ACOXL: variants seen among roughly 807,000 people sequenced by gnomAD.
The protein encoded by ACOXL is acyl-coenzyme A oxidase-like protein.
Under a neutral mutation model 71.9 loss-of-function variants are expected in ACOXL, and 70 were observed. That is an observed-to-expected ratio of 0.97 (90% CI 0.80 to 1.19). The LOEUF is 1.19. ACOXL is among the 50% of genes most tolerant of loss of function. The probability of loss-of-function intolerance (pLI) is 0.00; values close to 1 mark genes in which losing one functional copy is unlikely to be tolerated. For missense variants in ACOXL, 703 were observed against 736.3 expected (o/e 0.95, Z 0.52); for synonymous variants, 253 against 281.6 (o/e 0.90, Z 1.02).
rs184742622 is a variant in ACOXL, at chr2:110,760,584, G to A, written c.-22-7784G>A. On this transcript the variant is annotated intron_variant, in intron 1 of 17. Transcript: ENST00000439055. Reference sequence around the variant, plus strand: ...ATGTATTTCAGTTAGCCATGAATTGGACAGACAGCCTCTCTGATCTTGGCT... The same window carrying A: ...ATGTATTTCAGTTAGCCATGAATTGAACAGACAGCCTCTCTGATCTTGGCT... Among the ~76,000 whole-genome samples, 5 of 152,318 alleles carry A rather than the reference G, an allele frequency of 3.3e-5. No individual in the cohort carries two copies. In the East Asian group the frequency reaches 9.7e-4, roughly 29 times the overall value.
At chr2:110,782,716 T>C (rs1188536176) in intron 2 of ACOXL, among the ~76,000 whole-genome samples, 1 of 152,208 alleles carries the variant, frequency 6.6e-6, no homozygotes, top group Non-Finnish European at 1.5e-5. Flanking sequence ...ACACCATTAA[T>C]GGCAAAGTCA....
chr2:110,956,510 A>T (rs552644758), intron 12 of ACOXL, among the ~76,000 whole-genome samples: 3 of 152,208 alleles, frequency 2.0e-5, no homozygotes, highest in Admixed American at 1.3e-4. Context: ...CCCAACCCAG[A>T]TCTCAGCTGT....
intron 10 of ACOXL, among the ~76,000 whole-genome samples, chr2:110,852,240 C>T (rs1049361446): frequency 6.6e-6 from 1 of 152,236 alleles, no homozygotes; most frequent in African/African-American, 2.4e-5. Context: ...GACAGTAAGC[C>T]TGAGGCTGGT....
intron 12 of ACOXL, among the ~76,000 whole-genome samples, chr2:110,967,098 G>A (rs2149472027): frequency 6.6e-6 from 1 of 152,076 alleles, no homozygotes; most frequent in African/African-American, 2.4e-5. Context: ...TATCTGATAA[G>A]GATTTTAAAG....
intron 17 of ACOXL, among the ~76,000 whole-genome samples, chr2:111,107,643 C>T (rs2069637846): frequency 6.6e-6 from 1 of 152,216 alleles, no homozygotes; most frequent in African/African-American, 2.4e-5. Flanking sequence ...CATGTGCCTC[C>T]ACGCCCAGCT....
At chr2:110,911,410 G>A (rs535373046) in intron 11 of ACOXL, among the ~76,000 whole-genome samples, 4 of 152,034 alleles carry the variant, frequency 2.6e-5, no homozygotes, top group South Asian at 2.1e-4. Context: ...ATAAGGCAAA[G>A]ACATTAGAAG....
chr2:110,812,451 C>T (rs1687445358), intron 9 of ACOXL, among the ~76,000 whole-genome samples: 1 of 152,122 alleles, frequency 6.6e-6, no homozygotes, highest in Non-Finnish European at 1.5e-5. Context: ...CTTTTCTGCT[C>T]CTCTCCCTCC....
chr2:111,086,923 A>C (rs2068240365), intron 16 of ACOXL, among the ~76,000 whole-genome samples: 1 of 152,330 alleles, frequency 6.6e-6, no homozygotes, highest in South Asian at 2.1e-4. Context: ...TCTACCCAAA[A>C]GATCCTTGAG....
intron 12 of ACOXL, among the ~76,000 whole-genome samples, chr2:110,970,139 G>A (rs1205857779): frequency 2.6e-5 from 4 of 151,950 alleles, no homozygotes; most frequent in African/African-American, 9.7e-5. Flanking sequence ...TATTTTAGAA[G>A]GCTAGTATTA....
chr2:110,967,402 A>G (rs189902388), intron 12 of ACOXL, among the ~76,000 whole-genome samples: 177 of 152,296 alleles, frequency 1.2e-3, no homozygotes, highest in Admixed American at 2.2e-3. Context: ...ATAACAAAAG[A>G]GCTAGCATTT....
chr2:110,744,152 A>G (rs2104731391), intron 1 of ACOXL, among the ~76,000 whole-genome samples: 1 of 152,308 alleles, frequency 6.6e-6, no homozygotes, highest in South Asian at 2.1e-4. Context: ...AAGAGAGAGA[A>G]AACGAGGGAA....
At chr2:110,778,926 G>A (rs1176834691) in intron 2 of ACOXL, among the ~76,000 whole-genome samples, 1 of 152,190 alleles carries the variant, frequency 6.6e-6, no homozygotes, top group African/African-American at 2.4e-5. Flanking sequence ...CATCAAGCTG[G>A]TAATGTCAAT....
chr2:111,001,968 C>T (rs2063655270), intron 14 of ACOXL, among the ~76,000 whole-genome samples: 1 of 152,230 alleles, frequency 6.6e-6, no homozygotes, highest in Non-Finnish European at 1.5e-5. Flanking sequence ...GTCACGCCCT[C>T]ATGGAGTGCC....
rs766126571 is a variant in ACOXL at position 110,996,014 on chromosome 2, C to A, written c.1281+10C>A. 6.4e-7 allele frequency: 1 copy of A among 1,573,662 alleles called. No individual in the cohort carries two copies. Among genetic ancestry groups the A allele is most frequent in the Non-Finnish European group, 8.6e-7 (1 of 1,163,438 alleles). On this transcript the variant is annotated intron_variant, in intron 14 of 17. Coordinates refer to ENST00000439055, the MANE Select transcript of ACOXL (RefSeq NM_001142807.4). ...CAGAATTTATTATAAGGTAAAGATA[C>A]ACTGTGTTATATTTTTCCTTTTGAC...
chr2:110,768,535 AGAGT>A (rs1681433444), intron 2 of ACOXL, 71 bp downstream of exon 2: 1 of 1,406,930 alleles, frequency 7.1e-7, no homozygotes, highest in Non-Finnish European at 9.9e-7. Flanking sequence ...AGAGAGAGAG[AGAGT>A]TTTTTTCTCT....
chr2:111,000,398 A>G (rs1025205960), intron 14 of ACOXL, among the ~76,000 whole-genome samples: 7 of 152,186 alleles, frequency 4.6e-5, no homozygotes, highest in Admixed American at 2.6e-4. Flanking sequence ...GAGAATCTCA[A>G]GGAAAGAGCT....
intron 14 of ACOXL, among the ~76,000 whole-genome samples, chr2:111,018,298 C>T (rs1005669151): frequency 1.3e-5 from 2 of 152,064 alleles, no homozygotes; most frequent in African/African-American, 2.4e-5. Flanking sequence ...CTAGGATAGC[C>T]GTGAGACTGG....
intron 12 of ACOXL, among the ~76,000 whole-genome samples, chr2:110,986,641 T>C (rs1260510190): frequency 6.6e-6 from 1 of 152,230 alleles, no homozygotes; most frequent in African/African-American, 2.4e-5. Context: ...GCCCAAATTA[T>C]AACTTTAAAG....
intron 12 of ACOXL, among the ~76,000 whole-genome samples, chr2:110,963,064 G>T (rs2061764961): frequency 6.6e-6 from 1 of 152,116 alleles, no homozygotes; most frequent in Admixed American, 6.6e-5. Flanking sequence ...TGCCAATGCT[G>T]CCATTTAAAT....
Sources: gnomAD v4.1 joint callset for allele counts (sites outside exome capture counted in the v4.1 genomes callset) on GRCh38, gnomAD v4.1.1 for gene constraint, MANE v1.5 for transcripts, NCBI Gene and HGNC (gene_info 2026-07-23, HGNC 2026-07-21) for gene names.